Variants in CASD1 observed in about 807,000 individuals in gnomAD.
CASD1 encodes the protein N-acetylneuraminate (7)9-O-acetyltransferase.
A neutral mutation model predicts 100.0 loss-of-function variants in CASD1; 41 were observed. That is an observed-to-expected ratio of 0.41 (90% CI 0.32 to 0.53). The LOEUF (loss-of-function observed/expected upper bound fraction) is 0.53. Among genes scored for constraint, CASD1 ranks in the 20% least tolerant of loss-of-function variants. CASD1 has a pLI of 0.25. For synonymous variants in CASD1, 321 were observed against 315.6 expected (o/e 1.02, Z -0.18); for missense variants, 774 against 948.7 (o/e 0.82, Z 2.42).
the CASD1 span, among the ~76,000 whole-genome samples, chr7:94,564,450 G>A: frequency 3.8e-3 from 578 of 152,294 alleles, 11 homozygotes; most frequent in African/African-American, 0.013. Flanking sequence ...GTCTTTGGCA[G>A]TTAGGGAGGC....
chr7:94,634,111 C>G, the CASD1 span, among the ~76,000 whole-genome samples: 2 of 152,012 alleles, frequency 1.3e-5, no homozygotes, highest in Non-Finnish European at 2.9e-5. Flanking sequence ...TGATTAGGTA[C>G]CCAGTATGTT....
chr7:94,529,473 A>G (rs1794743431), intron 5 of CASD1, among the ~76,000 whole-genome samples: 1 of 152,198 alleles, frequency 6.6e-6, no homozygotes, highest in Non-Finnish European at 1.5e-5. Context: ...TAATTTATTT[A>G]GGTAGATGAC....
the CASD1 span, chr7:94,590,679 A>G: frequency 1.3e-5 from 2 of 152,182 alleles, no homozygotes; most frequent in Non-Finnish European, 2.9e-5. Flanking sequence ...CCTAAGCAGA[A>G]CTGTGATGTA....
At chr7:94,560,512 C>G (rs1021308211), downstream of CASD1, among the ~76,000 whole-genome samples, 3 of 152,106 alleles carry the variant, frequency 2.0e-5, no homozygotes, top group African/African-American at 7.2e-5. Context: ...AGAAGTAATA[C>G]CTGGGCCAGA....
chr7:94,528,345 C>T (rs1229943045), intron 5 of CASD1, 95 bp downstream of exon 5: 1 of 857,022 alleles, frequency 1.2e-6, no homozygotes, highest in African/African-American at 1.7e-5. Flanking sequence ...GTCCCACTCT[C>T]CTATATTTTA....
At chr7:94,521,123 T>C (rs914962125) in intron 3 of CASD1, among the ~76,000 whole-genome samples, 2 of 152,002 alleles carry the variant, frequency 1.3e-5, no homozygotes, top group African/African-American at 4.8e-5. Flanking sequence ...AGCATTAAAG[T>C]TCTGAAAGTA....
intron 3 of CASD1, 27 bp downstream of exon 3, chr7:94,518,350 G>T (rs748413905): frequency 9.1e-6 from 14 of 1,538,530 alleles, no homozygotes; most frequent in Non-Finnish European, 1.2e-5. Flanking sequence ...CCCTTCTGTA[G>T]AGTGTTTTAG....
chr7:94,578,838 C>T, the CASD1 span, among the ~76,000 whole-genome samples: 56 of 152,268 alleles, frequency 3.7e-4, 2 homozygotes, highest in East Asian at 0.011. Flanking sequence ...TGTGCCCATG[C>T]TGTTTCCTCT....
Position 94,517,538 on chromosome 7 carries a change from CTG to C in CASD1, c.134-20_134-19del. On this transcript the variant is annotated intron_variant, in intron 1 of 17. Transcript: ENST00000297273. ...AAAATTTTAACTATTGTTTACAACACTGTTGTGTTTAACTGTTTTAGGCAATG... is the reference window on the plus strand; with the variant it reads ...AAAATTTTAACTATTGTTTACAACACTTGTGTTTAACTGTTTTAGGCAATG... The C allele has an allele frequency of 3.4e-6, 5 of 1,471,764 alleles. No individual in the cohort carries two copies. Among genetic ancestry groups the C allele is most frequent in the Non-Finnish European group, 3.8e-6 (4 of 1,060,074 alleles). The allele number at this position is 1,471,764 out of a possible 1,614,324, so 91.2% of individuals were successfully genotyped here. A position where few individuals can be genotyped will look rare whatever the true frequency, so the allele number is the denominator to read the frequency against.
chr7:94,544,452 A>G lies in CASD1; in HGVS notation c.1398A>G (p.Ala466=), dbSNP rs1445272923. 6.2e-7 allele frequency: 1 copy of G among 1,613,342 alleles called. No individual in the cohort carries two copies. Among genetic ancestry groups the G allele is most frequent in the Admixed American group, 1.7e-5 (1 of 59,990 alleles). Residue 466 remains alanine (A), a synonymous_variant, in exon 11 of 18, where the codon GCA becomes GCG. Transcript: ENST00000297273. ...TGCACATTCGAGTTCTGGTTGCTGC[A>G]TATTTATTTCAGACAGGGTATGGGC... The part of the protein sequence containing the change: ...VYMHIRVLVA[A]YLFQTGYGHF...
At chr7:94,596,093 G>C in the CASD1 span, among the ~76,000 whole-genome samples, 5 of 152,034 alleles carry the variant, frequency 3.3e-5, no homozygotes, top group Non-Finnish European at 7.4e-5. Flanking sequence ...ATACGTATGT[G>C]TTTAAATTGT....
At chr7:94,551,615 C>T (rs1795953318) in intron 15 of CASD1, 137 bp downstream of exon 15, 1 of 334,094 alleles carries the variant, frequency 3.0e-6, no homozygotes, top group Non-Finnish European at 5.0e-6. Context: ...AATTTTAATA[C>T]TTCTCTCCCA....
the CASD1 span, chr7:94,598,501 CAT>C: frequency 7.8e-6 from 3 of 385,334 alleles, no homozygotes; most frequent in Admixed American, 4.2e-5. Flanking sequence ...TTTGAGCAAA[CAT>C]GTAATGTTGA....
chr7:94,624,026 C>T, the CASD1 span: 4 of 393,210 alleles, frequency 1.0e-5, no homozygotes, highest in South Asian at 4.3e-4. Flanking sequence ...AATAGACTTA[C>T]ATCAAAGTCA....
chr7:94,558,443 G>A (rs1312683710), downstream of CASD1, among the ~76,000 whole-genome samples: 2 of 152,134 alleles, frequency 1.3e-5, no homozygotes, highest in Non-Finnish European at 2.9e-5. Flanking sequence ...ACAGTTGAAA[G>A]AAATTCAATT....
Position 94,556,310 on chromosome 7 carries a change from T to A in CASD1, c.*552T>A, listed in dbSNP as rs892275470. 1.3e-5 allele frequency: 2 copies of A among 152,210 alleles called. No homozygotes were observed. The highest frequency in any genetic ancestry group is 4.8e-5 in the African/African-American group (2 of 41,424). The allele number at this position is 152,210 out of a possible 1,614,324, so 9.4% of individuals were successfully genotyped here. A position where few individuals can be genotyped will look rare whatever the true frequency, so the allele number is the denominator to read the frequency against. ...ATTTATATGTGTTCTTGTTCTGATG[T>A]TGTTTCCTGAAATGATTTTTCTTCC... is the stretch of plus-strand genomic sequence containing the variant. On this transcript the variant is annotated 3_prime_UTR_variant, in exon 18 of 18. Coordinates refer to ENST00000297273, the MANE Select transcript of CASD1 (RefSeq NM_022900.5).
chr7:94,541,167 C>T (rs1031622896), intron 10 of CASD1, among the ~76,000 whole-genome samples: 1 of 151,922 alleles, frequency 6.6e-6, no homozygotes, highest in Non-Finnish European at 1.5e-5. Flanking sequence ...TAAAAAATTT[C>T]CTATATCTAC....
At chr7:94,586,806 T>C in the CASD1 span, 1 of 984,634 alleles carries the variant, frequency 1.0e-6, no homozygotes, top group Non-Finnish European at 1.2e-6. Flanking sequence ...CCAGCCTCCA[T>C]TTAGTTTTAA....
At chr7:94,575,493 C>T in the CASD1 span, among the ~76,000 whole-genome samples, 2 of 151,974 alleles carry the variant, frequency 1.3e-5, no homozygotes, top group South Asian at 2.1e-4. Context: ...GAGTATGTGC[C>T]ATGTGGTGAT....
Sources: gnomAD v4.1 joint callset for allele counts (sites outside exome capture counted in the v4.1 genomes callset) on GRCh38, gnomAD v4.1.1 for gene constraint, MANE v1.5 for transcripts, NCBI Gene and HGNC (gene_info 2026-07-23, HGNC 2026-07-21) for gene names.